Variants in SPRED3 observed in about 807,000 individuals in gnomAD.
The protein encoded by SPRED3 is sprouty related EVH1 domain containing 3.
In SPRED3, 23 loss-of-function variants were observed where a neutral mutation model predicts 37.6. The observed-to-expected ratio is 0.61, with a 90% confidence interval of 0.44 to 0.87. The LOEUF is 0.87. Among genes scored for constraint, SPRED3 ranks in the 40% least tolerant of loss-of-function variants. SPRED3 has a pLI of 0.00. For missense variants in SPRED3, 584 were observed against 618.6 expected, an observed-to-expected ratio of 0.94 and a Z score of 0.59; for synonymous variants, 302 against 279.6, an observed-to-expected ratio of 1.08 and a Z score of -0.80.
intron 5 of SPRED3, 39 bp downstream of exon 5, chr19:38,394,825 C>T (rs754343833): frequency 1.9e-5 from 28 of 1,500,690 alleles, no homozygotes; most frequent in East Asian, 9.5e-5. Flanking sequence ...GGGAATGGGG[C>T]GGTGCACTCG....
At chr19:38,391,100 G>A (rs1970827276) in intron 2 of SPRED3, among the ~76,000 whole-genome samples, 1 of 151,780 alleles carries the variant, frequency 6.6e-6, no homozygotes, top group Admixed American at 6.6e-5. Flanking sequence ...ATTTGAAATG[G>A]AGTGAAGGAA....
rs1219958197 is a variant in SPRED3, at chr19:38,395,688, C to T, written c.776C>T (p.Pro259Leu). Residue 259 changes from proline (P) to leucine (L), a missense_variant, in exon 6 of 6, where the codon CCT becomes CTT. By Grantham distance (98) the Pro-to-Leu change is moderately conservative. Transcript: ENST00000691638. This position sits in a 1 kb window ranked among gnomAD's most constrained non-coding sequence, Gnocchi z 5.2. Reference sequence around the variant, plus strand: ...GCCCTGGGTCCCCCAGCGGCACTACCTGCCCCTTTGACCGAGGCTGCGCCC... The same window carrying T: ...GCCCTGGGTCCCCCAGCGGCACTACTTGCCCCTTTGACCGAGGCTGCGCCC... ...GAALGPPAAL[P>L]APLTEAAPPA... 1.3e-6 allele frequency: 2 copies of T among 1,487,532 alleles called. No individual in the cohort carries two copies. Among genetic ancestry groups the T allele is most frequent in the Admixed American group, 4.6e-5 (2 of 43,150 alleles). 92.1% of individuals were successfully genotyped at this position (1,487,532 alleles called of 1,614,324 possible).
chr19:38,394,579 T>A, intron 4 of SPRED3, 64 bp from the exon 5 acceptor site: 1 of 1,551,506 alleles, frequency 6.4e-7, no homozygotes, highest in Non-Finnish European at 8.7e-7. Flanking sequence ...TGGGAGGGGG[T>A]CTATGTGAGG....
Position 38,396,071 on chromosome 19 carries a change from C to T in SPRED3, c.1159C>T (p.Arg387Cys). ...CTGCCTCTGCTGCTACGCGCCCCTGCGCGCGTGCCACTGGGTCGCAGCGCG... is the reference window on the plus strand; with the variant it reads ...CTGCCTCTGCTGCTACGCGCCCCTGTGCGCGTGCCACTGGGTCGCAGCGCG... Reference protein sequence around the residue: ...VPCLCCYAPLRACHWVAARCG... With the variant: ...VPCLCCYAPLCACHWVAARCG... Residue 387 changes from arginine to cysteine, a missense_variant, in exon 6 of 6, where the codon CGC becomes TGC. Physicochemically the swap from Arg to Cys is radical, Grantham distance 180 (BLOSUM62 -3). Coordinates refer to ENST00000691638, the MANE Select transcript of SPRED3 (RefSeq NM_001394336.1). 1.5e-6 allele frequency: 2 copies of T among 1,347,186 alleles called. No homozygotes were observed. The allele number at this position is 1,347,186 out of a possible 1,614,324, so 83.5% of individuals were successfully genotyped here.
At chr19:38,391,640 G>A (rs1342818226) in intron 2 of SPRED3, among the ~76,000 whole-genome samples, 3 of 152,164 alleles carry the variant, frequency 2.0e-5, no homozygotes, top group South Asian at 2.1e-4. Flanking sequence ...GTTCATGCCT[G>A]TAATCCCAGC....
chr19:38,393,618 A>C (rs1389056844), intron 4 of SPRED3, among the ~76,000 whole-genome samples: 1 of 151,922 alleles, frequency 6.6e-6, no homozygotes, highest in Non-Finnish European at 1.5e-5. Flanking sequence ...TTACAGGTGT[A>C]TTTCCCGGCC....
Position 38,395,803 on chromosome 19 carries a change from C to T in SPRED3, c.891C>T (p.Cys297=), listed in dbSNP as rs1185421866. 6.8e-7 allele frequency: 1 copy of T among 1,462,640 alleles called. No individual in the cohort carries two copies. Among genetic ancestry groups the T allele is most frequent in the South Asian group, 1.3e-5 (1 of 75,738 alleles). The allele number at this position is 1,462,640 out of a possible 1,614,324, so 90.6% of individuals were successfully genotyped here. The change falls in exon 6 of 6, where the codon TGC becomes TGT. Residue 297 remains cysteine (C), a synonymous_variant. Transcript: ENST00000691638. This position sits in a 1 kb window ranked among gnomAD's most constrained non-coding sequence, Gnocchi z 5.2. ...ASPEAEEAAR[C]VHCRALFRRR... is the part of the protein sequence containing the mutation. The stretch of plus-strand genomic sequence containing the variant: ...CGGAAGCGGAGGAGGCAGCGCGCTG[C>T]GTGCATTGCCGCGCGCTCTTCCGTC...
intron 4 of SPRED3, among the ~76,000 whole-genome samples, chr19:38,394,181 C>T (rs770315146): frequency 2.4e-4 from 36 of 152,334 alleles, no homozygotes; most frequent in Non-Finnish European, 3.8e-4. Context: ...AAGGGGAGCA[C>T]TCGGAGTGGG....
At position 38,399,450 on chromosome 19, in the gene SPRED3, AG is replaced by A. The variant is rs1309504735; in HGVS notation, c.*3306del. On this transcript the variant is annotated 3_prime_UTR_variant, in exon 6 of 6. Coordinates refer to ENST00000691638, the MANE Select transcript of SPRED3 (RefSeq NM_001394336.1). Reference sequence around the variant, plus strand: ...ATATATCTTCCTGATCTTGTTTCTAAGCCAGTCTGTGACCTCAATATTGTTA... The same window carrying A: ...ATATATCTTCCTGATCTTGTTTCTAACCAGTCTGTGACCTCAATATTGTTA... 6.6e-6 allele frequency: 1 copy of A among 151,750 alleles called. No homozygotes were observed. Among genetic ancestry groups the A allele is most frequent in the East Asian group, 1.9e-4 (1 of 5,160 alleles). 9.4% of individuals were successfully genotyped at this position (151,750 alleles called of 1,614,324 possible).
chr19:38,392,357 G>C (rs934880441), intron 4 of SPRED3, 69 bp downstream of exon 4: 32 of 1,434,950 alleles, frequency 2.2e-5, no homozygotes, highest in Middle Eastern at 2.6e-4. Flanking sequence ...GAACATTCTT[G>C]AGCACCTACT....
At position 38,396,089 on chromosome 19, in the gene SPRED3, G is replaced by T; in HGVS notation, c.1177G>T (p.Ala393Ser). The T allele has an allele frequency of 7.6e-7, 1 of 1,316,016 alleles. No individual in the cohort carries two copies. The highest frequency in any genetic ancestry group is 9.7e-7 in the Non-Finnish European group (1 of 1,035,254). The allele number at this position is 1,316,016 out of a possible 1,614,324, so 81.5% of individuals were successfully genotyped here. ...YAPLRACHWVAARCGCAGCGG... is the reference protein window; with the variant it reads ...YAPLRACHWVSARCGCAGCGG... ...GCCCCTGCGCGCGTGCCACTGGGTC[G>T]CAGCGCGATGCGGCTGCGCCGGCTG... The change falls in exon 6 of 6, where the codon GCA (alanine) becomes TCA (serine). Residue 393 changes from alanine (A) to serine (S), a missense_variant. Ala to Ser is a moderately conservative substitution (Grantham distance 99). Coordinates refer to ENST00000691638, the MANE Select transcript of SPRED3 (RefSeq NM_001394336.1).
chr19:38,391,924 C>T (rs758956348), intron 2 of SPRED3, 22 bp from the exon 3 acceptor site: 1 of 1,612,304 alleles, frequency 6.2e-7, no homozygotes, highest in South Asian at 1.1e-5. Flanking sequence ...GTATCTGACC[C>T]TGCTTTCCTT....
At chr19:38,393,110 C>T (rs559364640) in intron 4 of SPRED3, among the ~76,000 whole-genome samples, 4 of 152,210 alleles carry the variant, frequency 2.6e-5, no homozygotes, top group African/African-American at 7.2e-5. Flanking sequence ...CCTGCCCCAG[C>T]GCCTTTGCAC....
intron 2 of SPRED3, among the ~76,000 whole-genome samples, chr19:38,390,763 T>TGGGGGGGGGGGGGGGGGGGGG: frequency 1.4e-5 from 1 of 71,326 alleles, no homozygotes; most frequent in African/African-American, 5.4e-5. Flanking sequence ...CAGGGGGCAC[T>TGGGGGGGGGGGGGGGGGGGGG]GCCCCCCCCC....
intron 4 of SPRED3, chr19:38,392,634 T>C (rs888638119): frequency 5.6e-6 from 1 of 178,216 alleles, no homozygotes; most frequent in Non-Finnish European, 1.2e-5. Flanking sequence ...ACAATAAAAA[T>C]GAATAAATAT....
chr19:38,396,243 T>A lies in SPRED3; in HGVS notation c.*98T>A. On this transcript the variant is annotated 3_prime_UTR_variant, in exon 6 of 6. Coordinates refer to ENST00000691638, the MANE Select transcript of SPRED3 (RefSeq NM_001394336.1). ...GACCTAAAACCCAAACCTAGGCACA[T>A]CCGGAACTTGGAGCTTGAGTTTGGA... 5.5e-6 allele frequency: 5 copies of A among 901,948 alleles called. No individual in the cohort carries two copies. The highest frequency in any genetic ancestry group is 7.2e-6 in the Non-Finnish European group (5 of 696,844). The allele number at this position is 901,948 out of a possible 1,614,324, so 55.9% of individuals were successfully genotyped here. A position where few individuals can be genotyped will look rare whatever the true frequency, so the allele number is the denominator to read the frequency against.
rs917637604 is a variant in SPRED3, at chr19:38,395,668, G to T, written c.756G>T (p.Leu252=). 3 of 1,508,366 alleles carry T rather than the reference G, an allele frequency of 2.0e-6. No individual in the cohort carries two copies. The highest frequency in any genetic ancestry group is 5.4e-5 in the East Asian group (2 of 36,740). The allele number at this position is 1,508,366 out of a possible 1,614,324, so 93.4% of individuals were successfully genotyped here. The change falls in exon 6 of 6, where the codon CTG becomes CTT. Residue 252 remains leucine, a synonymous_variant. Coordinates refer to ENST00000691638, the MANE Select transcript of SPRED3 (RefSeq NM_001394336.1). The surrounding 1 kb of genome is among the most constrained non-coding windows in gnomAD (Gnocchi z 5.2). The part of the protein sequence containing the change: ...AKTGALRGAA[L]GPPAALPAPL... ...CCGGCGCGTTGAGGGGCGCTGCCCT[G>T]GGTCCCCCAGCGGCACTACCTGCCC...
At position 38,390,410 on chromosome 19, in the gene SPRED3, G is replaced by C; in HGVS notation, c.108G>C (p.Gly36=). The change falls in exon 2 of 6, where the codon GGG becomes GGC. Residue 36 remains glycine, a synonymous_variant. Transcript: ENST00000691638. ...LSQVSVCRVR[G]ARPEGGARQG... is the part of the protein sequence containing the mutation. ...AGGTGAGCGTGTGTCGGGTCCGAGG[G>C]GCCAGGCCCGAGGGGGGGGCCCGCC... 7.2e-7 allele frequency: 1 copy of C among 1,395,392 alleles called. No homozygotes were observed. The highest frequency in any genetic ancestry group is 9.3e-7 in the Non-Finnish European group (1 of 1,071,706). The allele number at this position is 1,395,392 out of a possible 1,614,324, so 86.4% of individuals were successfully genotyped here. A position where few individuals can be genotyped will look rare whatever the true frequency, so the allele number is the denominator to read the frequency against.
At position 38,388,822 on chromosome 19, in the gene SPRED3, G is replaced by T; in HGVS notation, c.-5+15G>T. ...GAGCCTCGCAGGCAGGTGCCGAGGG[G>T]GGCGAGGGGGCGGGGGCTGACAGAC... On this transcript the variant is annotated intron_variant, in intron 1 of 5. Transcript: ENST00000691638. 2.5e-6 allele frequency: 1 copy of T among 397,720 alleles called. No homozygotes were observed. The highest frequency in any genetic ancestry group is 1.3e-4 in the South Asian group (1 of 7,770). 24.6% of individuals were successfully genotyped at this position (397,720 alleles called of 1,614,324 possible).
Sources: gnomAD v4.1 joint callset for allele counts (sites outside exome capture counted in the v4.1 genomes callset) on GRCh38, gnomAD v4.1.1 for gene constraint, Gnocchi (gnomAD v3.1) non-coding constraint, MANE v1.5 for transcripts, NCBI Gene and HGNC (gene_info 2026-07-23, HGNC 2026-07-21) for gene names.